MAPK10: variants seen among roughly 807,000 people sequenced by gnomAD.
The protein encoded by MAPK10 is mitogen-activated protein kinase 10.
In MAPK10, 25 loss-of-function variants were observed where a neutral mutation model predicts 59.3. The ratio of observed to expected loss-of-function variants is 0.42; its 90% CI spans 0.31 to 0.59. The LOEUF is 0.59. Ranked by LOEUF, MAPK10 falls within the 20% of genes least tolerant of loss-of-function variation. The probability of loss-of-function intolerance (pLI) is 0.15; values close to 1 mark genes in which losing one functional copy is unlikely to be tolerated. For synonymous variants in MAPK10, 190 were observed against 200.5 expected (o/e 0.95, Z 0.44); for missense variants, 351 against 568.9 (o/e 0.62, Z 3.90).
At chr4:86,220,464 G>A (rs552131181) in intron 2 of MAPK10, among the ~76,000 whole-genome samples, 10 of 152,308 alleles carry the variant, frequency 6.6e-5, no homozygotes, top group African/African-American at 2.4e-4. Context: ...AGATTGGATG[G>A]AGGCAGGAAA....
chr4:86,321,553 G>C, intron 2 of MAPK10, among the ~76,000 whole-genome samples: 1 of 141,562 alleles, frequency 7.1e-6, no homozygotes, highest in South Asian at 2.2e-4. Flanking sequence ...CATGGACACA[G>C]GAAGGGGAAC....
intron 4 of MAPK10, chr4:86,124,486 T>A (rs7435363): frequency 0.8 from 121,603 of 151,618 alleles, 48,927 homozygotes; most frequent in East Asian, 0.89. Flanking sequence ...TTTTTGCAAA[T>A]TTACTTGGAA....
rs529565803 is a variant in MAPK10 at position 86,172,475 on chromosome 4, CA to C, written c.67-13009del. 9.8e-3 allele frequency among the ~76,000 whole-genome samples: 1,455 copies of C among 148,022 alleles called. 5 individuals carry two copies. The highest frequency in any genetic ancestry group is 0.017 in the African/African-American group (679 of 39,786). On this transcript the variant is annotated intron_variant, in intron 3 of 13. Transcript: ENST00000641462. Reference sequence around the variant, plus strand: ...CATTCACAGTAAACTATTGCGAGGACAAAAAACCAAACACCGCATGTTCTCA... The same window carrying C: ...CATTCACAGTAAACTATTGCGAGGACAAAAACCAAACACCGCATGTTCTCA...
intron 2 of MAPK10, among the ~76,000 whole-genome samples, chr4:86,334,827 A>G (rs1047762323): frequency 1.3e-5 from 2 of 152,124 alleles, no homozygotes; most frequent in African/African-American, 4.8e-5. Context: ...ATTGAAGGTT[A>G]GCATGCAAAT....
rs531414136 is a variant in MAPK10, at chr4:86,181,580, T to C, written c.66+12756A>G. On this transcript the variant is annotated intron_variant, in intron 3 of 13. Coordinates refer to ENST00000641462, the MANE Select transcript of MAPK10 (RefSeq NM_138982.4). ...TGTAGGATATGAGGATGTTGAAAAA[T>C]TGATTTGATTTTGAAAAGCAAGCAA... 1.4e-4 allele frequency among the ~76,000 whole-genome samples: 22 copies of C among 152,172 alleles called. No individual in the cohort carries two copies. In the South Asian group the frequency reaches 4.4e-3, roughly 30 times the overall value.
chr4:86,492,436 C>A (rs1754534763), intron 1 of MAPK10, among the ~76,000 whole-genome samples: 1 of 152,198 alleles, frequency 6.6e-6, no homozygotes, highest in Non-Finnish European at 1.5e-5. Context: ...AAATATTCCT[C>A]TATCCTTGTT....
At chr4:86,169,034 A>G (rs1202240262) in intron 3 of MAPK10, among the ~76,000 whole-genome samples, 2 of 152,162 alleles carry the variant, frequency 1.3e-5, no homozygotes, top group Non-Finnish European at 2.9e-5. Flanking sequence ...TAACAAACAG[A>G]AAGGACATCC....
At chr4:86,359,282 C>CTGTG (rs1339000340) in intron 1 of MAPK10, among the ~76,000 whole-genome samples, 2 of 137,024 alleles carry the variant, frequency 1.5e-5, no homozygotes, top group African/African-American at 5.8e-5. Context: ...CTCTCTCTCT[C>CTGTG]TCTCTCTGTG....
intron 3 of MAPK10, among the ~76,000 whole-genome samples, chr4:86,178,542 G>A (rs901938338): frequency 2.6e-5 from 4 of 151,990 alleles, no homozygotes; most frequent in African/African-American, 9.7e-5. Context: ...AAGATGTCTT[G>A]CAACAAAGGC....
chr4:86,457,023 G>A (rs970652235), upstream of MAPK10, among the ~76,000 whole-genome samples: 3 of 152,118 alleles, frequency 2.0e-5, no homozygotes, highest in Admixed American at 2.0e-4. Flanking sequence ...CAATAAATGT[G>A]ATACACCACA....
chr4:86,530,905 G>T (rs572829978), intron 1 of MAPK10, among the ~76,000 whole-genome samples: 1 of 152,306 alleles, frequency 6.6e-6, no homozygotes, highest in Non-Finnish European at 1.5e-5. Flanking sequence ...GGGTGTAAAT[G>T]AGACAAGAAG....
intron 2 of MAPK10, among the ~76,000 whole-genome samples, chr4:86,257,694 C>G (rs1237154255): frequency 2.6e-5 from 4 of 152,124 alleles, no homozygotes; most frequent in Non-Finnish European, 5.9e-5. Context: ...TTTTAGCTTT[C>G]TATTACCTAG....
At chr4:86,312,533 G>A (rs1254902713) in intron 2 of MAPK10, among the ~76,000 whole-genome samples, 1 of 152,028 alleles carries the variant, frequency 6.6e-6, no homozygotes, top group African/African-American at 2.4e-5. Context: ...CCGAAAATTA[G>A]AATTCAAACT....
chr4:86,267,807 A>T (rs1583776663), intron 2 of MAPK10, among the ~76,000 whole-genome samples: 1 of 152,136 alleles, frequency 6.6e-6, no homozygotes, highest in South Asian at 2.1e-4. Flanking sequence ...TTAAAAAAAA[A>T]TTAGCAAAAC....
intron 11 of MAPK10, 170 bp from the exon 12 acceptor site, chr4:86,031,601 A>C (rs1222616298): frequency 3.6e-6 from 2 of 551,700 alleles, no homozygotes; most frequent in Non-Finnish European, 6.4e-6. Flanking sequence ...AAACTTATGG[A>C]GGATTCATTC....
At chr4:86,047,069 CT>C (rs2042631142) in intron 11 of MAPK10, among the ~76,000 whole-genome samples, 1 of 151,480 alleles carries the variant, frequency 6.6e-6, no homozygotes, top group South Asian at 2.1e-4. Context: ...ACTTTTTAAA[CT>C]ATTATTAGTA....
intron 1 of MAPK10, among the ~76,000 whole-genome samples, chr4:86,450,005 G>C (rs1290538535): frequency 3.3e-5 from 5 of 152,220 alleles, no homozygotes; most frequent in African/African-American, 7.2e-5. Context: ...AGGAAATGCA[G>C]CCCAGCTGAT....
chr4:86,371,615 T>C (rs1024039223), intron 1 of MAPK10, among the ~76,000 whole-genome samples: 4 of 152,158 alleles, frequency 2.6e-5, no homozygotes, highest in African/African-American at 4.8e-5. Context: ...GGAACAGCTC[T>C]GGTCTGCAGC....
intron 1 of MAPK10, among the ~76,000 whole-genome samples, chr4:86,417,798 CA>C (rs1408989904): frequency 6.6e-6 from 1 of 152,208 alleles, no homozygotes; most frequent in Non-Finnish European, 1.5e-5. Context: ...TGACCTTTCC[CA>C]AATTCCTCTT....
Sources: allele counts gnomAD v4.1 joint callset (sites outside exome capture counted in the v4.1 genomes callset), GRCh38; gene constraint gnomAD v4.1.1; transcripts MANE v1.5; gene names NCBI Gene and HGNC (gene_info 2026-07-23, HGNC 2026-07-21).